ANLN: variants seen among roughly 807,000 people sequenced by gnomAD.
The protein encoded by ANLN is anillin.
A neutral mutation model predicts 135.1 loss-of-function variants in ANLN; 59 were observed. The ratio of observed to expected loss-of-function variants is 0.44; its 90% CI spans 0.35 to 0.54. The LOEUF is 0.54. ANLN is among the 20% of genes least tolerant of loss of function. ANLN has a pLI of 0.00. For missense variants in ANLN, 1,182 were observed against 1,340.0 expected, an observed-to-expected ratio of 0.88 and a Z score of 1.84; for synonymous variants, 406 against 456.4, an observed-to-expected ratio of 0.89 and a Z score of 1.41.
intron 3 of ANLN, among the ~76,000 whole-genome samples, chr7:36,403,074 G>A (rs532273523): frequency 1.4e-4 from 21 of 152,162 alleles, no homozygotes; most frequent in African/African-American, 4.6e-4. Flanking sequence ...CCGAGATCGC[G>A]CCATTACATT....
intron 4 of ANLN, 152 bp from the exon 5 acceptor site, chr7:36,407,582 C>T: frequency 1.6e-6 from 1 of 606,412 alleles, no homozygotes; most frequent in Non-Finnish European, 2.8e-6. Flanking sequence ...CCAAATCTTT[C>T]AAATTTGTTT....
chr7:36,441,884 C>T (rs945744743), intron 21 of ANLN, among the ~76,000 whole-genome samples: 2 of 152,168 alleles, frequency 1.3e-5, no homozygotes, highest in East Asian at 3.8e-4. Context: ...ACATTCCTTT[C>T]TTTCTTCCTT....
intron 4 of ANLN, 143 bp downstream of exon 4, chr7:36,406,709 T>C: frequency 1.2e-6 from 1 of 846,720 alleles, no homozygotes; most frequent in African/African-American, 1.7e-5. Context: ...ATTTGTAAGA[T>C]ATCGGTTTCT....
chr7:36,398,205 A>AT (rs1373012888), intron 2 of ANLN, among the ~76,000 whole-genome samples: 1 of 149,308 alleles, frequency 6.7e-6, no homozygotes, highest in African/African-American at 2.5e-5. Flanking sequence ...TTTTTCAGTT[A>AT]TTTTATAGGT....
Position 36,399,267 on chromosome 7 carries a change from G to T in ANLN, c.361G>T (p.Ala121Ser), listed in dbSNP as rs1786839400. 6.2e-7 allele frequency: 1 copy of T among 1,614,032 alleles called. No individual in the cohort carries two copies. Among genetic ancestry groups the T allele is most frequent in the Non-Finnish European group, 8.5e-7 (1 of 1,180,034 alleles). Residue 121 changes from alanine (A) to serine (S), a missense_variant, in exon 3 of 24, where the codon GCA (alanine) becomes TCA (serine). Coordinates refer to ENST00000265748, the MANE Select transcript of ANLN (RefSeq NM_018685.5). Reference protein sequence around the residue: ...DTISDSVAVPASLLGMRRGLN... With the variant: ...DTISDSVAVPSSLLGMRRGLN... ...CATCAGTGATTCTGTTGCTGTCCCG[G>T]CATCACTGCTGGGCATGAGGAGAGG...
intron 23 of ANLN, among the ~76,000 whole-genome samples, chr7:36,451,029 G>C (rs1789222054): frequency 6.6e-6 from 1 of 152,156 alleles, no homozygotes; most frequent in Admixed American, 6.5e-5. Flanking sequence ...TAACTTGGAT[G>C]GGTACCCTTC....
chr7:36,418,747 C>CT (rs1787749280), intron 9 of ANLN, among the ~76,000 whole-genome samples: 2 of 135,132 alleles, frequency 1.5e-5, no homozygotes, highest in African/African-American at 5.2e-5. Flanking sequence ...TTTTCTTTTT[C>CT]TTTTTTCTTT....
At chr7:36,434,718 G>A (rs947958918) in intron 20 of ANLN, among the ~76,000 whole-genome samples, 1 of 152,032 alleles carries the variant, frequency 6.6e-6, no homozygotes, top group African/African-American at 2.4e-5. Flanking sequence ...ACAAAAATTA[G>A]CCAGGTGTAG....
chr7:36,409,837 A>C (rs1787335556), intron 5 of ANLN, among the ~76,000 whole-genome samples: 1 of 151,880 alleles, frequency 6.6e-6, no homozygotes, highest in Admixed American at 6.6e-5. Flanking sequence ...ACAAGTGGTT[A>C]ATTTTAGTAT....
intron 19 of ANLN, among the ~76,000 whole-genome samples, 171 bp from the exon 20 acceptor site, chr7:36,426,745 A>T (rs930430927): frequency 2.6e-5 from 4 of 152,110 alleles, no homozygotes; most frequent in African/African-American, 9.7e-5. Flanking sequence ...TACCTCTTTC[A>T]TTAGGAAATA....
At position 36,417,063 on chromosome 7, in the gene ANLN, T is replaced by G. The variant is rs1379118433; in HGVS notation, c.1523-17T>G. The G allele has an allele frequency of 7.0e-7, 1 of 1,432,388 alleles. No individual in the cohort carries two copies. The highest frequency in any genetic ancestry group is 9.7e-7 in the Non-Finnish European group (1 of 1,033,060). 88.7% of individuals were successfully genotyped at this position (1,432,388 alleles called of 1,614,324 possible). A position where few individuals can be genotyped will look rare whatever the true frequency, so the allele number is the denominator to read the frequency against. On this transcript the variant is annotated splice_polypyrimidine_tract_variant and intron_variant, in intron 8 of 23. Transcript: ENST00000265748. ...GTTCTTATATATATTAATATGGTCTTTCTTAAACATTTTTAGGTTTCACTG... is the reference window on the plus strand; with the variant it reads ...GTTCTTATATATATTAATATGGTCTGTCTTAAACATTTTTAGGTTTCACTG...
chr7:36,409,592 A>G (rs907621326), intron 5 of ANLN, among the ~76,000 whole-genome samples: 6 of 152,146 alleles, frequency 3.9e-5, no homozygotes, highest in African/African-American at 1.4e-4. Context: ...TGGGAGTGAT[A>G]TAGGCCCAAT....
intron 6 of ANLN, 117 bp downstream of exon 6, chr7:36,410,821 G>C (rs937344275): frequency 5.3e-5 from 60 of 1,127,640 alleles, no homozygotes; most frequent in Non-Finnish European, 7.3e-5. Flanking sequence ...TTGGTTTTCT[G>C]TATCACTAAT....
chr7:36,400,800 A>G (rs770838371), intron 3 of ANLN, among the ~76,000 whole-genome samples: 5 of 152,208 alleles, frequency 3.3e-5, no homozygotes, highest in Admixed American at 6.5e-5. Context: ...TCAGAATCAC[A>G]TAGACCATAG....
intron 4 of ANLN, among the ~76,000 whole-genome samples, chr7:36,406,900 G>C (rs1282302724): frequency 6.6e-6 from 1 of 152,042 alleles, no homozygotes; most frequent in African/African-American, 2.4e-5. Context: ...ATATATATAT[G>C]AGAAATTTAT....
chr7:36,424,312 T>C (rs2116683003), intron 15 of ANLN, among the ~76,000 whole-genome samples: 1 of 152,264 alleles, frequency 6.6e-6, no homozygotes, highest in Admixed American at 6.5e-5. Flanking sequence ...CAAAGTGCAG[T>C]TTGAAAAATA....
At chr7:36,390,577 A>C (rs1175236154) in intron 1 of ANLN, 1 of 155,166 alleles carries the variant, frequency 6.4e-6, no homozygotes, top group African/African-American at 2.4e-5. Context: ...ATAAAAAGCC[A>C]GTAGTTCCTT....
chr7:36,442,244 C>T (rs1277806267), intron 21 of ANLN, among the ~76,000 whole-genome samples: 1 of 152,148 alleles, frequency 6.6e-6, no homozygotes, highest in African/African-American at 2.4e-5. Flanking sequence ...ACAGCAACAA[C>T]CAAGTAATAC....
rs1308561674 is a variant in ANLN at position 36,415,871 on chromosome 7, T to C, written c.1509T>C (p.Ser503=). ...ACCAGATACCAGCCAAAAATTCTAG[T>C]ACAGAACCTAAAGGTCAGTGTTTCC... ...TENQIPAKNS[S]TEPKGFTECE... is the part of the protein sequence containing the mutation. The change falls in exon 8 of 24, where the codon AGT becomes AGC. Residue 503 remains serine, a synonymous_variant. Coordinates refer to ENST00000265748, the MANE Select transcript of ANLN (RefSeq NM_018685.5). 2 of 1,595,088 alleles carry C rather than the reference T, an allele frequency of 1.3e-6. No individual in the cohort carries two copies. The highest frequency in any genetic ancestry group is 2.7e-5 in the African/African-American group (2 of 73,824).
Sources: allele counts gnomAD v4.1 joint callset (sites outside exome capture counted in the v4.1 genomes callset), GRCh38; gene constraint gnomAD v4.1.1; transcripts MANE v1.5; gene names NCBI Gene and HGNC (gene_info 2026-07-23, HGNC 2026-07-21).